The following POU2AF1 variants were observed in gnomAD, a reference collection of about 807,000 sequenced individuals.
POU2AF1 encodes POU class 2 homeobox associating factor 1.
A neutral mutation model predicts 26.3 loss-of-function variants in POU2AF1; 12 were observed. The observed-to-expected ratio is 0.46, with a 90% confidence interval of 0.29 to 0.74. The LOEUF (loss-of-function observed/expected upper bound fraction) is 0.74, where lower values mean the gene tolerates loss of function less well. Among genes scored for constraint, POU2AF1 ranks in the 30% least tolerant of loss-of-function variants. The pLI, the probability that POU2AF1 is intolerant of heterozygous loss-of-function variation, is 0.09. For synonymous variants in POU2AF1, 175 were observed against 148.0 expected, an observed-to-expected ratio of 1.18 and a Z score of -1.32; for missense variants, 297 against 334.5, an observed-to-expected ratio of 0.89 and a Z score of 0.87.
chr11:111,357,876 C>A, intron 2 of POU2AF1, 39 bp from the exon 3 acceptor site: 2 of 1,565,578 alleles, frequency 1.3e-6, no homozygotes, highest in South Asian at 2.4e-5. Flanking sequence ...AATGTTTAGC[C>A]CTCGTCAACC....
chr11:111,363,172 T>G, intron 1 of POU2AF1: 1 of 1,013,422 alleles, frequency 9.9e-7, no homozygotes, highest in Non-Finnish European at 1.2e-6. Context: ...AATCTCTAAG[T>G]CCCCACCTCT....
chr11:111,371,897 A>G (rs1258262548), intron 1 of POU2AF1, among the ~76,000 whole-genome samples: 1 of 152,096 alleles, frequency 6.6e-6, no homozygotes, highest in Non-Finnish European at 1.5e-5. Flanking sequence ...ACTCAAACTC[A>G]GATCTGCCTG....
At chr11:111,366,898 G>A (rs957481377) in intron 1 of POU2AF1, among the ~76,000 whole-genome samples, 5 of 152,120 alleles carry the variant, frequency 3.3e-5, no homozygotes, top group African/African-American at 9.7e-5. Context: ...GGCAGTCACA[G>A]GGATCCCTCT....
At chr11:111,356,285 T>C (rs1860844372) in intron 4 of POU2AF1, among the ~76,000 whole-genome samples, 1 of 152,126 alleles carries the variant, frequency 6.6e-6, no homozygotes, top group Non-Finnish European at 1.5e-5. Flanking sequence ...GGGAGAGGTG[T>C]TGGATTAACT....
intron 1 of POU2AF1, among the ~76,000 whole-genome samples, chr11:111,372,784 T>C (rs945198333): frequency 1.3e-5 from 2 of 152,172 alleles, no homozygotes; most frequent in African/African-American, 4.8e-5. Context: ...AGCTAAACAA[T>C]TATGCTATTC....
At chr11:111,378,355 C>A (rs1861351034) in intron 1 of POU2AF1, among the ~76,000 whole-genome samples, 1 of 152,056 alleles carries the variant, frequency 6.6e-6, no homozygotes, top group Non-Finnish European at 1.5e-5. Context: ...AGAACTAGCC[C>A]CAATAAGGTT....
rs1476367390 is a variant in POU2AF1, at chr11:111,352,868, A to T, written c.*1393T>A. 2.3e-5 allele frequency: 4 copies of T among 174,632 alleles called. No individual in the cohort carries two copies. Among genetic ancestry groups the T allele is most frequent in the African/African-American group, 9.5e-5 (4 of 42,132 alleles). 10.8% of individuals were successfully genotyped at this position (174,632 alleles called of 1,614,324 possible). A position where few individuals can be genotyped will look rare whatever the true frequency, so the allele number is the denominator to read the frequency against. On this transcript the variant is annotated 3_prime_UTR_variant, in exon 5 of 5. Coordinates refer to ENST00000393067, the MANE Select transcript of POU2AF1 (RefSeq NM_006235.3). Reference sequence around the variant, plus strand: ...AGAATCACTTGAACTTGGGAGACAGAGGTGCAGTGAGCCAAGATCGCACCA... The same window carrying T: ...AGAATCACTTGAACTTGGGAGACAGTGGTGCAGTGAGCCAAGATCGCACCA...
chr11:111,358,422 T>A (rs1258914152), intron 2 of POU2AF1, among the ~76,000 whole-genome samples: 1,544 of 58,808 alleles, frequency 0.026, 53 homozygotes, highest in African/African-American at 0.073. Context: ...ACACACACGC[T>A]CACACTCTCA....
chr11:111,358,766 TCTCA>T lies in POU2AF1; in HGVS notation c.147+18_147+21del, dbSNP rs766875413. On this transcript the variant is annotated intron_variant, in intron 2 of 4. Coordinates refer to ENST00000393067, the MANE Select transcript of POU2AF1 (RefSeq NM_006235.3). ...CTCTTTCACACACACACACTCACAC[TCTCA>T]CACACACAAACTCTCACCGCCGTAG... 2.7e-4 allele frequency: 418 copies of T among 1,558,508 alleles called. 3 individuals carry two copies. The East Asian group carries it at 9.8e-3, about 36-fold the overall frequency.
chr11:111,364,655 C>A (rs1000804225), intron 1 of POU2AF1, among the ~76,000 whole-genome samples: 1 of 152,260 alleles, frequency 6.6e-6, no homozygotes, highest in African/African-American at 2.4e-5. Context: ...CCATGAGCTG[C>A]CAGGGCCAGG....
chr11:111,364,720 G>A (rs966241760), intron 1 of POU2AF1, among the ~76,000 whole-genome samples: 7 of 152,230 alleles, frequency 4.6e-5, no homozygotes, highest in African/African-American at 1.7e-4. Flanking sequence ...TGGGCTGCAG[G>A]ATAAGCATGC....
chr11:111,377,252 C>A (rs1591208745), intron 1 of POU2AF1, among the ~76,000 whole-genome samples: 1 of 150,878 alleles, frequency 6.6e-6, no homozygotes, highest in African/African-American at 2.4e-5. Context: ...TGGTGGCGGG[C>A]ACCTGTAGTC....
In POU2AF1 at chr11:111,356,515, C is replaced by G. The variant is rs1451529334; in HGVS notation, c.456+930G>C. Among the ~76,000 whole-genome samples the G allele has an allele frequency of 2.0e-5, 3 of 152,232 alleles. No homozygotes were observed. The East Asian group carries it at 5.8e-4, about 29-fold the overall frequency. ...GGCTCTGGGACTGCTCAAGGCCCAGCTCTACTTCCCACGGTTTCCCTGGAC... is the reference window on the plus strand; with the variant it reads ...GGCTCTGGGACTGCTCAAGGCCCAGGTCTACTTCCCACGGTTTCCCTGGAC... On this transcript the variant is annotated intron_variant, in intron 4 of 4. Coordinates refer to ENST00000393067, the MANE Select transcript of POU2AF1 (RefSeq NM_006235.3).
chr11:111,358,633 CT>C (rs1565361189), intron 2 of POU2AF1, among the ~76,000 whole-genome samples, 154 bp downstream of exon 2: 2 of 151,640 alleles, frequency 1.3e-5, no homozygotes, highest in Non-Finnish European at 2.9e-5. Flanking sequence ...CACATTCTCT[CT>C]CACACTATCA....
intron 1 of POU2AF1, among the ~76,000 whole-genome samples, chr11:111,360,242 A>G (rs946275931): frequency 5.9e-5 from 9 of 152,152 alleles, no homozygotes; most frequent in African/African-American, 2.2e-4. Context: ...GGACTTCCAC[A>G]GGGAGCCCAT....
At chr11:111,369,912 TC>T (rs1861176202) in intron 1 of POU2AF1, among the ~76,000 whole-genome samples, 1 of 152,206 alleles carries the variant, frequency 6.6e-6, no homozygotes, top group East Asian at 1.9e-4. Flanking sequence ...CAGATGGATA[TC>T]CGATTTTTTG....
chr11:111,368,587 C>T (rs1861149013), intron 1 of POU2AF1, among the ~76,000 whole-genome samples: 1 of 152,230 alleles, frequency 6.6e-6, no homozygotes, highest in Admixed American at 6.5e-5. Context: ...TTGATGAAGT[C>T]ATAACCTGCC....
At chr11:111,355,280 AC>A (rs1038504065) in intron 4 of POU2AF1, among the ~76,000 whole-genome samples, 2 of 151,646 alleles carry the variant, frequency 1.3e-5, no homozygotes, top group Non-Finnish European at 2.9e-5. Context: ...ACTTATGGGC[AC>A]CCCCCATGAC....
chr11:111,358,495 C>G lies in POU2AF1; in HGVS notation c.147+293G>C, dbSNP rs1249662606. ...ACATTCTCACACACTGACACATACA[C>G]ATTCTCTCTCACACTATCACACACT... On this transcript the variant is annotated intron_variant, in intron 2 of 4. Coordinates refer to ENST00000393067, the MANE Select transcript of POU2AF1 (RefSeq NM_006235.3). 2.0e-5 allele frequency among the ~76,000 whole-genome samples: 3 copies of G among 149,658 alleles called. No homozygotes were observed. The East Asian group carries it at 5.9e-4, about 29-fold the overall frequency.
Sources: allele counts gnomAD v4.1 joint callset (sites outside exome capture counted in the v4.1 genomes callset), GRCh38; gene constraint gnomAD v4.1.1; transcripts MANE v1.5; gene names NCBI Gene and HGNC (gene_info 2026-07-23, HGNC 2026-07-21).